GPHN: variants seen among roughly 807,000 people sequenced by gnomAD.
The protein encoded by GPHN is gephyrin.
GPHN carries 17 observed loss-of-function variants against 95.5 expected under a neutral mutation model. The ratio of observed to expected loss-of-function variants is 0.18; its 90% CI spans 0.12 to 0.27. The LOEUF (loss-of-function observed/expected upper bound fraction) is 0.27, where lower values mean the gene tolerates loss of function less well. GPHN is among the 10% of genes least tolerant of loss of function. The pLI, the probability that GPHN is intolerant of heterozygous loss-of-function variation, is 1.00. For missense variants in GPHN, 660 were observed against 978.1 expected (o/e 0.67, Z 4.34); for synonymous variants, 320 against 322.5 (o/e 0.99, Z 0.08).
the GPHN span, among the ~76,000 whole-genome samples, chr14:67,319,757 T>TTCTCTGATAA: frequency 2.6e-5 from 4 of 152,250 alleles, no homozygotes; most frequent in Admixed American, 2.6e-4. Context: ...AGGAAAGTAT[T>TTCTCTGATAA]CCAGCTTTCT....
chr14:67,726,896 C>G, the GPHN span: 4 of 1,210,392 alleles, frequency 3.3e-6, no homozygotes, highest in Non-Finnish European at 4.8e-6. Flanking sequence ...AGATAGTGAG[C>G]TAACACTGAA....
intron 2 of GPHN, among the ~76,000 whole-genome samples, chr14:66,712,681 A>G (rs963284658): frequency 6.6e-6 from 1 of 152,068 alleles, no homozygotes; most frequent in Non-Finnish European, 1.5e-5. Context: ...GTTGCCAATC[A>G]AATGGTAGTT....
the GPHN span, among the ~76,000 whole-genome samples, chr14:67,198,509 G>C: frequency 1.3e-5 from 2 of 152,166 alleles, no homozygotes; most frequent in Non-Finnish European, 2.9e-5. Context: ...TACTTCAAAT[G>C]TCCCCAAAAC....
At chr14:67,579,647 C>A in the GPHN span, 1 of 1,452,358 alleles carries the variant, frequency 6.9e-7, no homozygotes, top group East Asian at 2.4e-5. Flanking sequence ...CTGCTGTATC[C>A]AGACACCTCC....
chr14:67,725,979 T>C, the GPHN span: 7 of 995,714 alleles, frequency 7.0e-6, 1 homozygote, highest in South Asian at 7.6e-5. Context: ...GAAAGGGCAA[T>C]TATGCAGGTC....
the GPHN span, chr14:67,222,022 T>C: frequency 3.6e-6 from 2 of 553,828 alleles, no homozygotes; most frequent in East Asian, 6.2e-5. Context: ...TGGAAAACAT[T>C]ATGGTACTTT....
chr14:67,728,193 G>C, the GPHN span: 3 of 152,302 alleles, frequency 2.0e-5, no homozygotes, highest in South Asian at 6.2e-4. Flanking sequence ...CAGAGTTTGG[G>C]AACAATGATC....
chr14:66,961,900 G>GTATATATATATATATATA (rs767734322), intron 8 of GPHN, among the ~76,000 whole-genome samples: 7 of 53,006 alleles, frequency 1.3e-4, no homozygotes, highest in Non-Finnish European at 2.7e-4. Flanking sequence ...CCCTGAATGT[G>GTATATATATATATATATA]TATATATATA....
At chr14:67,421,506 G>A in the GPHN span, among the ~76,000 whole-genome samples, 373 of 152,260 alleles carry the variant, frequency 2.4e-3, 1 homozygote, top group Admixed American at 7.1e-3. Context: ...CCAGGCCAGG[G>A]CTCCTCCTTC....
Position 66,681,145 on chromosome 14 carries a change from A to G in GPHN, c.103A>G (p.Ser35Gly), listed in dbSNP as rs2066911919. ...SCFRNLAEDR[S>G]GINLKDLVQD... ...CTTCAGGAATCTTGCAGAAGACCGC[A>G]GTGGGATAAATCTCAAAGATCTCGT... The change falls in exon 2 of 23, where the codon AGT (serine) becomes GGT (glycine). Residue 35 changes from serine (S) to glycine (G), a missense_variant. Ser to Gly is a moderately conservative substitution (Grantham distance 56, BLOSUM62 0). Coordinates refer to ENST00000478722, the MANE Select transcript of GPHN (RefSeq NM_020806.5). 1.2e-6 allele frequency: 2 copies of G among 1,600,694 alleles called. No individual in the cohort carries two copies. The highest frequency in any genetic ancestry group is 1.7e-6 in the Non-Finnish European group (2 of 1,168,998).
the GPHN span, among the ~76,000 whole-genome samples, chr14:67,204,133 C>T: frequency 5.1e-3 from 776 of 152,184 alleles, 6 homozygotes; most frequent in African/African-American, 0.018. Flanking sequence ...ACTCTTCAAA[C>T]TACTATAAAA....
chr14:67,279,511 G>C, the GPHN span: 1 of 1,556,564 alleles, frequency 6.4e-7, no homozygotes, highest in African/African-American at 1.4e-5. Context: ...GTCTTAGAAA[G>C]TCCTCATTAT....
chr14:67,660,143 T>G, the GPHN span: 1 of 333,132 alleles, frequency 3.0e-6, no homozygotes, highest in Non-Finnish European at 5.1e-6. Flanking sequence ...GTATATGAAC[T>G]GAATGAATGA....
chr14:67,145,431 A>G (rs2080844099), intron 18 of GPHN, among the ~76,000 whole-genome samples: 1 of 152,172 alleles, frequency 6.6e-6, no homozygotes, highest in African/African-American at 2.4e-5. Flanking sequence ...CAAAGCCAAT[A>G]TAGTTAAGCA....
the GPHN span, chr14:67,569,275 C>G: frequency 1.6e-6 from 2 of 1,268,230 alleles, no homozygotes; most frequent in Middle Eastern, 1.9e-4. Context: ...GGTGGGCAAG[C>G]GGGGAGGAGA....
chr14:67,095,873 T>G (rs2077351858), intron 12 of GPHN, among the ~76,000 whole-genome samples: 1 of 145,234 alleles, frequency 6.9e-6, no homozygotes, highest in African/African-American at 2.6e-5. Flanking sequence ...GGCACATGTA[T>G]ACATATGTAA....
chr14:67,105,953 T>C (rs933493878), intron 13 of GPHN, among the ~76,000 whole-genome samples: 12 of 152,166 alleles, frequency 7.9e-5, no homozygotes, highest in Non-Finnish European at 1.3e-4. Flanking sequence ...TACTGTTTTA[T>C]TCTTTTCTCT....
Position 67,040,122 on chromosome 14 carries a change from G to A in GPHN, c.1006+16447G>A, listed in dbSNP as rs534948859. Among the ~76,000 whole-genome samples the A allele has an allele frequency of 4.6e-5, 7 of 152,104 alleles. No homozygotes were observed. The East Asian group carries it at 9.7e-4, about 21-fold the overall frequency. ...TACCTCAGTGCAAAAATAGACATAC[G>A]TGCATTGTTTCAGAAAGGAGAGACT... On this transcript the variant is annotated intron_variant, in intron 10 of 22. Transcript: ENST00000478722.
chr14:67,267,072 C>T, the GPHN span, among the ~76,000 whole-genome samples: 1 of 152,136 alleles, frequency 6.6e-6, no homozygotes. Context: ...TGTGCCACTG[C>T]ACTCCAGCCT....
Sources: gnomAD v4.1 joint callset for allele counts (sites outside exome capture counted in the v4.1 genomes callset) on GRCh38, gnomAD v4.1.1 for gene constraint, MANE v1.5 for transcripts, NCBI Gene and HGNC (gene_info 2026-07-23, HGNC 2026-07-21) for gene names.